The following DCLK2 variants were observed in gnomAD, a reference collection of about 807,000 sequenced individuals.
The protein encoded by DCLK2 is serine/threonine-protein kinase DCLK2.
A neutral mutation model predicts 78.4 loss-of-function variants in DCLK2; 31 were observed. The ratio of observed to expected loss-of-function variants is 0.40; its 90% CI spans 0.30 to 0.53. The LOEUF (loss-of-function observed/expected upper bound fraction) is 0.53, where lower values mean the gene tolerates loss of function less well. Ranked by LOEUF, DCLK2 falls within the 20% of genes least tolerant of loss-of-function variation. The pLI, the probability that DCLK2 is intolerant of heterozygous loss-of-function variation, is 0.61. For missense variants in DCLK2, 872 were observed against 973.7 expected (o/e 0.90, Z 1.39); for synonymous variants, 407 against 374.9 (o/e 1.09, Z -0.99).
At chr4:150,226,522 G>GT (rs1741629197) in intron 8 of DCLK2, among the ~76,000 whole-genome samples, 1 of 145,148 alleles carries the variant, frequency 6.9e-6, no homozygotes, top group Admixed American at 6.7e-5. Flanking sequence ...TTTCAAAACA[G>GT]TAAAAAAAAA....
chr4:150,137,867 C>T (rs1386811456), intron 2 of DCLK2, among the ~76,000 whole-genome samples: 1 of 152,262 alleles, frequency 6.6e-6, no homozygotes, highest in East Asian at 1.9e-4. Context: ...AATCCCACTC[C>T]ATAACTAAGT....
chr4:150,215,181 AC>A (rs978226189), intron 5 of DCLK2, among the ~76,000 whole-genome samples: 2 of 152,186 alleles, frequency 1.3e-5, no homozygotes, highest in Non-Finnish European at 1.5e-5. Context: ...ACCAAAAAAA[AC>A]AATAAGCACA....
intron 2 of DCLK2, among the ~76,000 whole-genome samples, chr4:150,108,763 T>A (rs1731450245): frequency 6.6e-6 from 1 of 151,996 alleles, no homozygotes; most frequent in African/African-American, 2.4e-5. Context: ...TAAAAAAAAA[T>A]TCTAGCTTTT....
At chr4:150,130,966 T>C (rs1169484244) in intron 2 of DCLK2, among the ~76,000 whole-genome samples, 1 of 152,194 alleles carries the variant, frequency 6.6e-6, no homozygotes, top group Non-Finnish European at 1.5e-5. Context: ...AAGGGGCCAC[T>C]AAATGTTGAA....
chr4:150,255,552 A>G (rs546175121), intron 15 of DCLK2, among the ~76,000 whole-genome samples: 9 of 152,378 alleles, frequency 5.9e-5, no homozygotes, highest in Non-Finnish European at 1.0e-4. Context: ...GGCCTTTTAT[A>G]GGCTTCACAG....
intron 8 of DCLK2, among the ~76,000 whole-genome samples, chr4:150,229,046 A>C (rs1287341794): frequency 1.3e-5 from 2 of 151,636 alleles, no homozygotes; most frequent in Non-Finnish European, 2.9e-5. Flanking sequence ...AAAAAAACAA[A>C]AAAAAAAACT....
chr4:150,177,559 T>C (rs1737185719), intron 2 of DCLK2, among the ~76,000 whole-genome samples: 2 of 152,180 alleles, frequency 1.3e-5, no homozygotes, highest in South Asian at 4.1e-4. Context: ...AATTTGGAAG[T>C]ATTAAGGGTA....
intron 2 of DCLK2, among the ~76,000 whole-genome samples, chr4:150,191,219 G>A (rs547387178): frequency 2.6e-4 from 39 of 152,208 alleles, no homozygotes; most frequent in African/African-American, 9.4e-4. Flanking sequence ...ACATGGCAAA[G>A]ACAGGGTTGG....
chr4:150,193,382 C>T (rs1334927113), intron 3 of DCLK2, 142 bp downstream of exon 3: 12 of 473,802 alleles, frequency 2.5e-5, no homozygotes, highest in Non-Finnish European at 4.5e-5. Flanking sequence ...ATTTTTGAAC[C>T]AATGAAAATA....
chr4:150,199,195 C>T, intron 4 of DCLK2: 1 of 906,068 alleles, frequency 1.1e-6, no homozygotes, highest in Non-Finnish European at 1.7e-6. Flanking sequence ...TTCCAGTGCA[C>T]ATCTGTGTGG....
chr4:150,100,721 A>G (rs767235489), intron 1 of DCLK2, among the ~76,000 whole-genome samples: 9 of 152,244 alleles, frequency 5.9e-5, no homozygotes, highest in Non-Finnish European at 1.3e-4. Context: ...GGTTATAGTT[A>G]TATTTTATTA....
chr4:150,110,578 T>C (rs1169057729), intron 2 of DCLK2, among the ~76,000 whole-genome samples: 7 of 152,128 alleles, frequency 4.6e-5, no homozygotes, highest in African/African-American at 1.7e-4. Context: ...ATTGCGCCCG[T>C]CACCTGAGTA....
intron 10 of DCLK2, among the ~76,000 whole-genome samples, chr4:150,235,127 G>A (rs753549005): frequency 3.9e-5 from 6 of 152,162 alleles, no homozygotes; most frequent in South Asian, 2.1e-4. Flanking sequence ...CAGCCAGTCT[G>A]TCCAACAGCC....
intron 2 of DCLK2, among the ~76,000 whole-genome samples, chr4:150,179,587 G>C (rs761143817): frequency 1.1e-4 from 16 of 152,040 alleles, no homozygotes; most frequent in Admixed American, 2.0e-4. Flanking sequence ...ACACCAAAAG[G>C]GTTGACTAAT....
chr4:150,245,251 G>A (rs1025669469), intron 12 of DCLK2, among the ~76,000 whole-genome samples: 5 of 152,206 alleles, frequency 3.3e-5, no homozygotes, highest in African/African-American at 1.2e-4. Context: ...CTTTGGGACA[G>A]TAGTGGTAAT....
Position 150,232,398 on chromosome 4 carries a change from T to G in DCLK2, c.1361T>G (p.Met454Arg). ...LRRVKHPNIIMLVEEMETATE... is the reference protein window; with the variant it reads ...LRRVKHPNIIRLVEEMETATE... The stretch of plus-strand genomic sequence containing the variant: ...CGAGTGAAACATCCCAATATCATTA[T>G]GCTGGTCGAGGAGATGGAAACAGCA... Residue 454 changes from methionine to arginine, a missense_variant, in exon 9 of 16, where the codon ATG becomes AGG. This residue lies in a region of DCLK2 where 567 missense variants were observed against 593.4 expected (regional missense o/e 0.96). Transcript: ENST00000296550. 6.2e-7 allele frequency: 1 copy of G among 1,614,204 alleles called. No homozygotes were observed. Among genetic ancestry groups the G allele is most frequent in the Non-Finnish European group, 8.5e-7 (1 of 1,180,022 alleles).
intron 2 of DCLK2, among the ~76,000 whole-genome samples, chr4:150,129,522 C>A (rs1186772427): frequency 2.6e-5 from 4 of 151,840 alleles, no homozygotes. Context: ...AGATCGAGAC[C>A]CATCCTGGCC....
At chr4:150,213,841 G>A (rs1740487331) in intron 5 of DCLK2, among the ~76,000 whole-genome samples, 2 of 152,188 alleles carry the variant, frequency 1.3e-5, no homozygotes, top group Non-Finnish European at 2.9e-5. Context: ...TAGCCTTGCA[G>A]GACTTTTCTC....
intron 2 of DCLK2, among the ~76,000 whole-genome samples, chr4:150,116,862 A>G (rs754652280): frequency 1.1e-4 from 16 of 152,020 alleles, no homozygotes; most frequent in Non-Finnish European, 2.1e-4. Flanking sequence ...TTCTACCTGG[A>G]GATGCTGTAA....
Sources: gnomAD v4.1 joint callset for allele counts (sites outside exome capture counted in the v4.1 genomes callset) on GRCh38, gnomAD v4.1.1 for gene constraint, gnomAD v4.1.1 regional missense constraint, MANE v1.5 for transcripts, NCBI Gene and HGNC (gene_info 2026-07-23, HGNC 2026-07-21) for gene names.